MAPT: variants seen among roughly 807,000 people sequenced by gnomAD.
MAPT encodes microtubule associated protein tau, also known as microtubule-associated protein tau.
Under a neutral mutation model 67.9 loss-of-function variants are expected in MAPT, and 34 were observed. The ratio of observed to expected loss-of-function variants is 0.50; its 90% CI spans 0.38 to 0.67. The LOEUF is 0.67. MAPT is among the 30% of genes least tolerant of loss of function. MAPT has a pLI of 0.00. For synonymous variants in MAPT, 456 were observed against 464.5 expected (o/e 0.98, Z 0.23); for missense variants, 881 against 1,115.2 (o/e 0.79, Z 2.99).
At chr17:45,998,656 T>C (rs778434107) in intron 9 of MAPT, among the ~76,000 whole-genome samples, 112 of 152,176 alleles carry the variant, frequency 7.4e-4, no homozygotes, top group Non-Finnish European at 1.3e-3. Flanking sequence ...TCCACCACAG[T>C]GGCCTGGTTA....
intron 8 of MAPT, among the ~76,000 whole-genome samples, chr17:45,993,632 T>G (rs2074245562): frequency 6.6e-6 from 1 of 152,250 alleles, no homozygotes; most frequent in Non-Finnish European, 1.5e-5. Context: ...CAGCCTAGTC[T>G]CGAACTCCTG....
intron 1 of MAPT, among the ~76,000 whole-genome samples, chr17:45,937,439 T>C (rs537869819): frequency 2.2e-3 from 341 of 151,846 alleles, no homozygotes; most frequent in African/African-American, 7.5e-3. Context: ...AGAAAAAATG[T>C]AATTAGCTGG....
chr17:46,024,450 T>G lies in MAPT; in HGVS notation c.*279T>G. 3.7e-6 allele frequency: 2 copies of G among 534,612 alleles called. No homozygotes were observed. The highest frequency in any genetic ancestry group is 3.1e-5 in the Admixed American group (1 of 31,850). The allele number at this position is 534,612 out of a possible 1,614,324, so 33.1% of individuals were successfully genotyped here. On this transcript the variant is annotated 3_prime_UTR_variant, in exon 13 of 13. Coordinates refer to ENST00000262410, the MANE Select transcript of MAPT (RefSeq NM_001377265.1). Reference sequence around the variant, plus strand: ...TCAAAAACATGGCCACATCCAACATTTCCTCAGGCAATTCCTTTTGATTCT... The same window carrying G: ...TCAAAAACATGGCCACATCCAACATGTCCTCAGGCAATTCCTTTTGATTCT...
intron 12 of MAPT, among the ~76,000 whole-genome samples, chr17:46,019,653 G>A (rs910959313): frequency 6.6e-6 from 1 of 151,698 alleles, no homozygotes; most frequent in African/African-American, 2.4e-5. Context: ...ACAGGTGTGA[G>A]CCACAGTGCT....
In MAPT at chr17:45,995,241, A is replaced by C. The variant is rs988279110; in HGVS notation, c.1733-1158A>C. Among the ~76,000 whole-genome samples the C allele has an allele frequency of 1.3e-5, 2 of 152,176 alleles. No individual in the cohort carries two copies. The highest frequency in any genetic ancestry group is 4.8e-5 in the African/African-American group (2 of 41,432). ...TGCTGCGGGAAGCTTCTGGACTTGCAGGAAAGCTAAGTTCTCAGACTGCAG... is the reference window on the plus strand; with the variant it reads ...TGCTGCGGGAAGCTTCTGGACTTGCCGGAAAGCTAAGTTCTCAGACTGCAG... On this transcript the variant is annotated intron_variant, in intron 8 of 12. Transcript: ENST00000262410. This position sits in a 1 kb window ranked among gnomAD's most constrained non-coding sequence, Gnocchi z 4.3.
At position 45,983,091 on chromosome 17, in the gene MAPT, C is replaced by G. The variant is rs930795533; in HGVS notation, c.512C>G (p.Ser171Cys). The change falls in exon 5 of 13, where the codon TCC becomes TGC. Residue 171 changes from serine to cysteine, a missense_variant. Ser to Cys is a moderately radical substitution (Grantham distance 112). Transcript: ENST00000262410. The stretch of plus-strand genomic sequence containing the variant: ...CCAACAGGAGGCCCTCAGGAGCCCT[C>G]CCTGGAGTGGGGACAAAAAGGCGGG... Reference protein sequence around the residue: ...PPPTGGPQEPSLEWGQKGGDW... With the variant: ...PPPTGGPQEPCLEWGQKGGDW... 150 of 1,549,726 alleles carry G rather than the reference C, an allele frequency of 9.7e-5. No individual in the cohort carries two copies. Among genetic ancestry groups the G allele is most frequent in the Non-Finnish European group, 1.3e-4 (149 of 1,145,400 alleles).
Position 45,983,548 on chromosome 17 carries a change from A to C in MAPT, c.969A>C (p.Thr323=), listed in dbSNP as rs781607136. The part of the protein sequence containing the change: ...SPAQDGRPPQ[T]AAREATSIPG... ...CCCAAGATGGGCGGCCTCCCCAGAC[A>C]GCCGCCAGAGAAGCCACCAGCATCC... is the stretch of plus-strand genomic sequence containing the variant. Residue 323 remains threonine (T), a synonymous_variant, in exon 5 of 13, where the codon ACA becomes ACC. Transcript: ENST00000262410. 21 of 1,612,836 alleles carry C rather than the reference A, an allele frequency of 1.3e-5. No homozygotes were observed. Among genetic ancestry groups the C allele is most frequent in the Non-Finnish European group, 1.7e-6 (2 of 1,179,924 alleles).
chr17:45,931,271 G>T (rs1188800766), intron 1 of MAPT, among the ~76,000 whole-genome samples: 1 of 152,142 alleles, frequency 6.6e-6, no homozygotes, highest in East Asian at 1.9e-4. Flanking sequence ...ATGACAAAAT[G>T]ATTGTCAGAA....
At chr17:45,953,790 G>A (rs1167454106) in intron 1 of MAPT, among the ~76,000 whole-genome samples, 1 of 152,170 alleles carries the variant, frequency 6.6e-6, no homozygotes, top group Non-Finnish European at 1.5e-5. Flanking sequence ...CAGCCCAACA[G>A]AGAAATACCC....
intron 11 of MAPT, among the ~76,000 whole-genome samples, chr17:46,014,698 C>T (rs933411027): frequency 1.3e-5 from 2 of 152,000 alleles, no homozygotes; most frequent in African/African-American, 4.8e-5. Flanking sequence ...CACAGTGAAA[C>T]CCCGTCTCTA....
At chr17:45,976,140 G>A (rs559941633) in intron 3 of MAPT, 2 of 152,380 alleles carry the variant, frequency 1.3e-5, no homozygotes, top group South Asian at 4.1e-4. Flanking sequence ...GTGCCCACAT[G>A]GGGCCCACGG....
Position 46,010,489 on chromosome 17 carries a change from A to G in MAPT, c.2091+87A>G, listed in dbSNP as rs2075750990. 1 of 945,894 alleles carries G rather than the reference A, an allele frequency of 1.1e-6. No homozygotes were observed. Among genetic ancestry groups the G allele is most frequent in the Admixed American group, 2.0e-5 (1 of 50,264 alleles). 58.6% of individuals were successfully genotyped at this position (945,894 alleles called of 1,614,324 possible). On this transcript the variant is annotated intron_variant, in intron 10 of 12. Coordinates refer to ENST00000262410, the MANE Select transcript of MAPT (RefSeq NM_001377265.1). The surrounding 1 kb of genome is among the most constrained non-coding windows in gnomAD (Gnocchi z 4.7). ...AGTGCGTACACTTGCGAGACACTGCATAGAATAAATCCTTCTTGGGCTCTC... is the reference window on the plus strand; with the variant it reads ...AGTGCGTACACTTGCGAGACACTGCGTAGAATAAATCCTTCTTGGGCTCTC...
Position 45,980,651 on chromosome 17 carries a change from G to A in MAPT, c.286+2211G>A, listed in dbSNP as rs77527347. 3.9e-5 allele frequency: 6 copies of A among 151,936 alleles called. No homozygotes were observed. The East Asian group carries it at 7.7e-4, about 20-fold the overall frequency. The allele number at this position is 151,936 out of a possible 1,614,324, so 9.4% of individuals were successfully genotyped here. On this transcript the variant is annotated intron_variant, in intron 4 of 12. Transcript: ENST00000262410. ...TTTTCAAGGTACATTTACTATTTAC[G>A]TTTGGGGTCCTTGTCTCTTTTTTAA...
chr17:46,014,603 T>G (rs1475563475), intron 11 of MAPT, among the ~76,000 whole-genome samples: 2 of 152,180 alleles, frequency 1.3e-5, no homozygotes, highest in South Asian at 2.1e-4. Context: ...GGCCGGGCGC[T>G]GTGGCTCACG....
intron 11 of MAPT, among the ~76,000 whole-genome samples, chr17:46,015,842 C>A (rs753136431): frequency 5.3e-5 from 8 of 152,054 alleles, no homozygotes; most frequent in Non-Finnish European, 1.2e-4. Flanking sequence ...AATATATACA[C>A]CTAACTATGT....
chr17:45,936,329 T>C (rs2067324371), intron 1 of MAPT, among the ~76,000 whole-genome samples: 1 of 152,204 alleles, frequency 6.6e-6, no homozygotes, highest in African/African-American at 2.4e-5. Context: ...GGTCGCTCCA[T>C]CCTGTTTGTG....
intron 12 of MAPT, among the ~76,000 whole-genome samples, chr17:46,023,383 G>A (rs187752546): frequency 5.4e-4 from 83 of 152,338 alleles, no homozygotes; most frequent in Non-Finnish European, 5.9e-5. Context: ...TAAGCAGCCT[G>A]TGTATCTATA....
At position 45,991,781 on chromosome 17, in the gene MAPT, CT is replaced by C. The variant is rs1299153080; in HGVS notation, c.1732+210del. 5.4e-3 allele frequency among the ~76,000 whole-genome samples: 768 copies of C among 143,110 alleles called. 1 individual carries two copies. The highest frequency in any genetic ancestry group is 9.4e-3 in the African/African-American group (368 of 39,164). The allele number at this position is 143,110 out of a possible 152,430, so 93.9% of individuals were successfully genotyped here. The stretch of plus-strand genomic sequence containing the variant: ...TCTGAGGCAAATGTTGAATCCCTAC[CT>C]TTTTTTTTTTTTTTCTTTTGAGACA... On this transcript the variant is annotated intron_variant, in intron 8 of 12. Coordinates refer to ENST00000262410, the MANE Select transcript of MAPT (RefSeq NM_001377265.1).
intron 1 of MAPT, among the ~76,000 whole-genome samples, chr17:45,941,989 T>C (rs1203538406): frequency 1.3e-5 from 2 of 152,058 alleles, no homozygotes; most frequent in African/African-American, 4.8e-5. Context: ...AGATCCTCAG[T>C]GGAACATGAC....
Sources: allele counts gnomAD v4.1 joint callset (sites outside exome capture counted in the v4.1 genomes callset), GRCh38; gene constraint gnomAD v4.1.1; non-coding constraint Gnocchi (gnomAD v3.1); transcripts MANE v1.5; gene names NCBI Gene and HGNC (gene_info 2026-07-23, HGNC 2026-07-21).